The following PDSS1 variants were observed in gnomAD, a reference collection of about 807,000 sequenced individuals.
The protein encoded by PDSS1 is decaprenyl diphosphate synthase subunit 1.
In PDSS1, 43 loss-of-function variants were observed where a neutral mutation model predicts 57.5. The ratio of observed to expected loss-of-function variants is 0.75; its 90% CI spans 0.59 to 0.96. PDSS1 has a LOEUF of 0.96. PDSS1 is among the 50% of genes least tolerant of loss of function. PDSS1 has a pLI of 0.00. For synonymous variants in PDSS1, 175 were observed against 191.3 expected (o/e 0.91, Z 0.70); for missense variants, 438 against 527.8 (o/e 0.83, Z 1.67).
At chr10:26,702,819 C>T (rs1835090727) in intron 2 of PDSS1, among the ~76,000 whole-genome samples, 3 of 152,108 alleles carry the variant, frequency 2.0e-5, no homozygotes, top group African/African-American at 7.2e-5. Flanking sequence ...CACTGCACTC[C>T]AGCCTGGAAA....
Position 26,746,366 on chromosome 10 carries a change from C to T in PDSS1, c.1141C>T (p.Gln381Ter). The change falls in exon 12 of 12, where the codon CAG (glutamine) becomes TAG (stop). Residue 381 changes from glutamine (Q) to a stop codon, truncating the protein, a stop_gained. Coordinates refer to ENST00000376215, the MANE Select transcript of PDSS1 (RefSeq NM_014317.5). LOFTEE classifies it high-confidence loss of function. Reference sequence around the variant, plus strand: ...TGTGCAACAAACAACCTACCTCGCCCAGCAGTACTGCCATGAAGCAATAAG... The same window carrying T: ...TGTGCAACAAACAACCTACCTCGCCTAGCAGTACTGCCATGAAGCAATAAG... Reference protein sequence around the residue: ...DGVQQTTYLAQQYCHEAIREI... With the variant: ...DGVQQTTYLA The T allele has an allele frequency of 6.2e-7, 1 of 1,614,086 alleles. No homozygotes were observed.
At chr10:26,742,010 G>A (rs757391683) in intron 10 of PDSS1, among the ~76,000 whole-genome samples, 1 of 152,142 alleles carries the variant, frequency 6.6e-6, no homozygotes, top group Non-Finnish European at 1.5e-5. Context: ...CGAGTAGCTG[G>A]GATTACAGGC....
intron 8 of PDSS1, among the ~76,000 whole-genome samples, chr10:26,724,691 C>A (rs534839614): frequency 6.6e-6 from 1 of 152,164 alleles, no homozygotes; most frequent in Non-Finnish European, 1.5e-5. Flanking sequence ...AATTCTCCTG[C>A]CTCAGCTTCC....
intron 10 of PDSS1, among the ~76,000 whole-genome samples, chr10:26,737,247 C>T (rs1043332665): frequency 2.0e-5 from 3 of 152,206 alleles, no homozygotes; most frequent in African/African-American, 7.2e-5. Flanking sequence ...TTGAGTCCTA[C>T]TTAAACCTTA....
intron 11 of PDSS1, 80 bp downstream of exon 11, chr10:26,742,657 T>C (rs1836669104): frequency 3.7e-6 from 3 of 801,150 alleles, no homozygotes; most frequent in Non-Finnish European, 6.5e-6. Flanking sequence ...TAACATTAAC[T>C]AAACATTAAA....
chr10:26,746,305 C>T, intron 11 of PDSS1, 28 bp from the exon 12 acceptor site: 1 of 1,613,084 alleles, frequency 6.2e-7, no homozygotes, highest in Non-Finnish European at 8.5e-7. Flanking sequence ...TGACAGGCAT[C>T]TGTTCTGTTT....
rs556322043 is a variant in PDSS1 at position 26,723,869 on chromosome 10, A to G, written c.673A>G (p.Thr225Ala). 6.2e-7 allele frequency: 1 copy of G among 1,613,480 alleles called. No homozygotes were observed. The highest frequency in any genetic ancestry group is 2.2e-5 in the East Asian group (1 of 44,880). ...TATAGCTCTGGCACGAATTGGAAATACAACTGTTATATCTATTTTAACCCA... is the reference window on the plus strand; with the variant it reads ...TATAGCTCTGGCACGAATTGGAAATGCAACTGTTATATCTATTTTAACCCA... The part of the protein sequence containing the change: ...ASIALARIGN[T>A]TVISILTQVI... The change falls in exon 7 of 12, where the codon ACA becomes GCA. Residue 225 changes from threonine to alanine, a missense_variant. Thr to Ala is a moderately conservative substitution (Grantham distance 58, BLOSUM62 0). Transcript: ENST00000376215.
In PDSS1 at chr10:26,746,363, G is replaced by A. The variant is rs748477018; in HGVS notation, c.1138G>A (p.Ala380Thr). The change falls in exon 12 of 12, where the codon GCC becomes ACC. Residue 380 changes from alanine to threonine, a missense_variant. By Grantham distance (58) the Ala-to-Thr change is moderately conservative (BLOSUM62 0). Coordinates refer to ENST00000376215, the MANE Select transcript of PDSS1 (RefSeq NM_014317.5). The part of the protein sequence containing the change: ...SDGVQQTTYL[A>T]QQYCHEAIRE... Reference sequence around the variant, plus strand: ...TGGTGTGCAACAAACAACCTACCTCGCCCAGCAGTACTGCCATGAAGCAAT... The same window carrying A: ...TGGTGTGCAACAAACAACCTACCTCACCCAGCAGTACTGCCATGAAGCAAT... The A allele has an allele frequency of 2.0e-5, 33 of 1,613,964 alleles. No individual in the cohort carries two copies. In the Middle Eastern group the frequency reaches 5.0e-4, roughly 24 times the overall value.
chr10:26,699,219 G>A (rs148520610), intron 1 of PDSS1, among the ~76,000 whole-genome samples: 147 of 152,194 alleles, frequency 9.7e-4, no homozygotes, highest in African/African-American at 3.3e-3. Context: ...AACAGAATAT[G>A]GGGGGTGAGG....
chr10:26,743,583 T>C (rs1301656679), intron 11 of PDSS1, among the ~76,000 whole-genome samples: 1 of 152,198 alleles, frequency 6.6e-6, no homozygotes, highest in Admixed American at 6.5e-5. Context: ...GAAGTCAATA[T>C]TCCCTGGGAG....
Position 26,709,772 on chromosome 10 carries a change from A to G in PDSS1, c.467+4A>G. ...ATATTCATCATAACAACTCCCGGTG[A>G]GCTCTTTTTTTCATTCCTTTCTTGT... On this transcript the variant is annotated splice_donor_region_variant and intron_variant, in intron 5 of 11. Coordinates refer to ENST00000376215, the MANE Select transcript of PDSS1 (RefSeq NM_014317.5). 1.2e-6 allele frequency: 2 copies of G among 1,613,760 alleles called. No individual in the cohort carries two copies. The highest frequency in any genetic ancestry group is 1.7e-6 in the Non-Finnish European group (2 of 1,179,744).
At chr10:26,718,171 T>TA (rs1835660304) in intron 5 of PDSS1, 1 of 152,056 alleles carries the variant, frequency 6.6e-6, no homozygotes, top group African/African-American at 2.4e-5. Context: ...GCCTCTCAAG[T>TA]AGCTGGGATT....
intron 8 of PDSS1, chr10:26,734,618 C>T (rs1361625463): frequency 4.4e-6 from 2 of 453,962 alleles, no homozygotes; most frequent in African/African-American, 4.0e-5. Flanking sequence ...AACAGTGGGA[C>T]CAGTGAAGTT....
chr10:26,745,045 T>C (rs1183021753), intron 11 of PDSS1, among the ~76,000 whole-genome samples: 1 of 151,920 alleles, frequency 6.6e-6, no homozygotes, highest in Non-Finnish European at 1.5e-5. Flanking sequence ...ACGCCTATAA[T>C]CCTAGCTACT....
At chr10:26,721,140 C>T (rs2448106) in intron 6 of PDSS1, among the ~76,000 whole-genome samples, 134,611 of 151,968 alleles carry the variant, frequency 0.89, 59,692 homozygotes, top group African/African-American at 0.93. Flanking sequence ...ACCCTGTCAC[C>T]ACTAAAAAAA....
At chr10:26,723,684 A>G in intron 6 of PDSS1, 122 bp from the exon 7 acceptor site, 1 of 769,406 alleles carries the variant, frequency 1.3e-6, no homozygotes, top group Non-Finnish European at 2.4e-6. Context: ...AGAAGGTAAA[A>G]AACCCTGCAT....
chr10:26,741,471 G>GT (rs1564437731), intron 10 of PDSS1, among the ~76,000 whole-genome samples: 12 of 151,984 alleles, frequency 7.9e-5, no homozygotes, highest in African/African-American at 2.4e-4. Flanking sequence ...GTGTGATGGA[G>GT]CAAGACTCCA....
At chr10:26,709,548 C>A in intron 4 of PDSS1, 90 bp from the exon 5 acceptor site, 1 of 1,352,116 alleles carries the variant, frequency 7.4e-7, no homozygotes, top group Non-Finnish European at 1.1e-6. Context: ...GCAACAAGAG[C>A]GAAACTCCGT....
chr10:26,707,976 A>T (rs953857326), intron 4 of PDSS1, among the ~76,000 whole-genome samples: 1 of 152,128 alleles, frequency 6.6e-6, no homozygotes, highest in African/African-American at 2.4e-5. Flanking sequence ...AGGCCAGGCA[A>T]TTCCATGCCC....
Sources: gnomAD v4.1 joint callset for allele counts (sites outside exome capture counted in the v4.1 genomes callset) on GRCh38, gnomAD v4.1.1 for gene constraint, MANE v1.5 for transcripts, NCBI Gene and HGNC (gene_info 2026-07-23, HGNC 2026-07-21) for gene names.